ILKAP: variants seen among roughly 807,000 people sequenced by gnomAD.
ILKAP encodes ILK associated serine/threonine phosphatase, also known as integrin-linked kinase-associated serine/threonine phosphatase 2C.
Under a neutral mutation model 49.1 loss-of-function variants are expected in ILKAP, and 11 were observed. The observed-to-expected ratio is 0.22, with a 90% CI of 0.14 to 0.37. The LOEUF (loss-of-function observed/expected upper bound fraction) is 0.37, where lower values mean the gene tolerates loss of function less well. Among genes scored for constraint, ILKAP ranks in the 10% least tolerant of loss-of-function variants. ILKAP has a pLI of 1.00. For synonymous variants in ILKAP, 186 were observed against 192.8 expected (o/e 0.96, Z 0.29); for missense variants, 363 against 510.8 (o/e 0.71, Z 2.79).
intron 4 of ILKAP, 150 bp from the exon 5 acceptor site, chr2:238,188,407 T>TC (rs1171689211): frequency 1.1e-6 from 1 of 872,268 alleles, no homozygotes; most frequent in Admixed American, 2.9e-5. Flanking sequence ...TTAAGGCATC[T>TC]CCCCCAGCTG....
intron 1 of ILKAP, 46 bp downstream of exon 1, chr2:238,203,453 C>A: frequency 3.4e-6 from 4 of 1,165,020 alleles, no homozygotes; most frequent in Non-Finnish European, 4.3e-6. Flanking sequence ...GCCCCCATCC[C>A]GCCTGCTCTC....
chr2:238,203,097 G>A (rs1158028785), intron 1 of ILKAP, among the ~76,000 whole-genome samples: 1 of 151,698 alleles, frequency 6.6e-6, no homozygotes, highest in Non-Finnish European at 1.5e-5. Context: ...CGGAAGCCGC[G>A]GGCGGGCGAC....
At chr2:238,188,289 A>C in intron 4 of ILKAP, 32 bp from the exon 5 acceptor site, 2 of 1,607,274 alleles carry the variant, frequency 1.2e-6, no homozygotes, top group East Asian at 4.5e-5. Flanking sequence ...AGCCAATACA[A>C]AACTGTGCCC....
In ILKAP at chr2:238,188,116, C is replaced by A. The variant is rs1359519673; in HGVS notation, c.425+15G>T. On this transcript the variant is annotated intron_variant, in intron 5 of 11. Coordinates refer to ENST00000254654, the MANE Select transcript of ILKAP (RefSeq NM_030768.3). Reference sequence around the variant, plus strand: ...ATGTTAATGCCAGCCGGGCTTCCTACCACATGAGACTCACATGAGGGACGA... The same window carrying A: ...ATGTTAATGCCAGCCGGGCTTCCTAACACATGAGACTCACATGAGGGACGA... 1 of 1,613,140 alleles carries A rather than the reference C, an allele frequency of 6.2e-7. No homozygotes were observed. The highest frequency in any genetic ancestry group is 8.5e-7 in the Non-Finnish European group (1 of 1,179,352).
intron 1 of ILKAP, among the ~76,000 whole-genome samples, chr2:238,197,605 CAACTT>C (rs1023195261): frequency 1.3e-5 from 2 of 152,174 alleles, no homozygotes; most frequent in Non-Finnish European, 2.9e-5. Flanking sequence ...CCTCACAATG[CAACTT>C]ACAGCTTAGT....
intron 9 of ILKAP, among the ~76,000 whole-genome samples, chr2:238,174,120 G>A (rs1693344584): frequency 6.6e-6 from 1 of 152,222 alleles, no homozygotes; most frequent in African/African-American, 2.4e-5. Context: ...GAAAATCCCT[G>A]AAAGTGGCTA....
At chr2:238,199,732 ATC>A (rs1210831320) in intron 1 of ILKAP, among the ~76,000 whole-genome samples, 1 of 151,396 alleles carries the variant, frequency 6.6e-6, no homozygotes, top group Non-Finnish European at 1.5e-5. Flanking sequence ...TAGTTTTACA[ATC>A]TGTTTTCCTC....
At chr2:238,186,510 T>G (rs917494654) in intron 5 of ILKAP, 1 of 152,182 alleles carries the variant, frequency 6.6e-6, no homozygotes, top group Non-Finnish European at 1.5e-5. Context: ...ATATATGCAG[T>G]CCATCACTGA....
At chr2:238,197,811 T>C (rs1694407427) in intron 1 of ILKAP, among the ~76,000 whole-genome samples, 2 of 152,196 alleles carry the variant, frequency 1.3e-5, no homozygotes, top group South Asian at 4.1e-4. Context: ...CTTCTAAAAA[T>C]GATAATACTG....
At chr2:238,193,519 C>A (rs1694227080) in intron 3 of ILKAP, among the ~76,000 whole-genome samples, 1 of 152,210 alleles carries the variant, frequency 6.6e-6, no homozygotes, top group African/African-American at 2.4e-5. Context: ...CCACGCCCAG[C>A]CAGAACATAT....
At chr2:238,197,657 A>G (rs1049755922) in intron 1 of ILKAP, among the ~76,000 whole-genome samples, 2 of 152,104 alleles carry the variant, frequency 1.3e-5, no homozygotes, top group African/African-American at 4.8e-5. Flanking sequence ...TCTGGCTACA[A>G]TTCAGTCAGA....
At chr2:238,183,592 C>CTA in intron 8 of ILKAP, 61 bp downstream of exon 8, 1 of 1,183,156 alleles carries the variant, frequency 8.5e-7, no homozygotes, top group East Asian at 2.3e-5. Context: ...CAAGTACGTG[C>CTA]TAAAGTCTTT....
intron 9 of ILKAP, among the ~76,000 whole-genome samples, chr2:238,176,107 C>A (rs2106327374): frequency 6.9e-6 from 1 of 145,190 alleles, no homozygotes; most frequent in Admixed American, 6.9e-5. Flanking sequence ...CCCCCACCCT[C>A]ATAATTACAA....
intron 2 of ILKAP, 99 bp from the exon 3 acceptor site, chr2:238,194,430 A>C (rs1274273110): frequency 1.8e-5 from 20 of 1,105,554 alleles, no homozygotes; most frequent in Non-Finnish European, 2.3e-5. Flanking sequence ...TTACTGAAAT[A>C]AACTCAAAAC....
rs201863727 is a variant in ILKAP at position 238,170,913 on chromosome 2, C to T, written c.1038+30G>A. 1.2e-4 allele frequency: 192 copies of T among 1,594,484 alleles called. No homozygotes were observed. In the East Asian group the frequency reaches 4.1e-3, roughly 34 times the overall value. Reference sequence around the variant, plus strand: ...TCTGAAAACTAAGACACAATTGGGACAACCACCACCCCCGTGTGAGATTTC... The same window carrying T: ...TCTGAAAACTAAGACACAATTGGGATAACCACCACCCCCGTGTGAGATTTC... On this transcript the variant is annotated intron_variant, in intron 11 of 11. Transcript: ENST00000254654.
rs534935069 is a variant in ILKAP at position 238,197,284 on chromosome 2, T to C, written c.56-2414A>G. 3.3e-4 allele frequency among the ~76,000 whole-genome samples: 50 copies of C among 152,316 alleles called. 1 individual carries two copies. Among genetic ancestry groups the C allele is most frequent in the African/African-American group, 1.2e-3 (49 of 41,564 alleles). On this transcript the variant is annotated intron_variant, in intron 1 of 11. Transcript: ENST00000254654. The stretch of plus-strand genomic sequence containing the variant: ...CCTAATATCCCGAAGTAGGTCACTT[T>C]TGCCCAAACATTGGGTCTAACAATC...
chr2:238,186,024 T>G (rs1230514127), intron 5 of ILKAP: 1 of 152,248 alleles, frequency 6.6e-6, no homozygotes, highest in East Asian at 1.9e-4. Flanking sequence ...CCGTTCCTAT[T>G]TAAATCGGAT....
intron 9 of ILKAP, among the ~76,000 whole-genome samples, chr2:238,177,591 T>C (rs970195657): frequency 2.6e-5 from 4 of 152,252 alleles, no homozygotes; most frequent in Admixed American, 2.6e-4. Flanking sequence ...TTTTTGCATC[T>C]GGCTTCTTTT....
At chr2:238,173,744 G>A (rs373774841) in intron 9 of ILKAP, 91 bp from the exon 10 acceptor site, 36 of 1,387,146 alleles carry the variant, frequency 2.6e-5, no homozygotes, top group South Asian at 1.4e-4. Flanking sequence ...GAGAATGGAA[G>A]TGTGAAAGAT....
Sources: gnomAD v4.1 joint callset for allele counts (sites outside exome capture counted in the v4.1 genomes callset) on GRCh38, gnomAD v4.1.1 for gene constraint, MANE v1.5 for transcripts, NCBI Gene and HGNC (gene_info 2026-07-23, HGNC 2026-07-21) for gene names.